Variants in GARS1 observed in about 807,000 individuals in gnomAD.
GARS1 encodes glycine--tRNA ligase.
In GARS1, 46 loss-of-function variants were observed where a neutral mutation model predicts 86.4. The observed-to-expected ratio is 0.53, with a 90% CI of 0.42 to 0.68. The LOEUF (loss-of-function observed/expected upper bound fraction) is 0.68. Ranked by LOEUF, GARS1 falls within the 30% of genes least tolerant of loss-of-function variation. The probability of loss-of-function intolerance (pLI) is 0.00; values close to 1 mark genes in which losing one functional copy is unlikely to be tolerated. For missense variants in GARS1, 797 were observed against 915.6 expected (o/e 0.87, Z 1.67); for synonymous variants, 342 against 329.8 (o/e 1.04, Z -0.40).
intron 7 of GARS1, among the ~76,000 whole-genome samples, chr7:30,610,497 C>G (rs1791577161): frequency 6.6e-6 from 1 of 152,108 alleles, no homozygotes; most frequent in Non-Finnish European, 1.5e-5. Flanking sequence ...TCGTGTTTCC[C>G]AGAGTAGGGA....
chr7:30,617,059 A>G (rs913861945), intron 9 of GARS1, 55 bp from the exon 10 acceptor site: 2 of 1,568,254 alleles, frequency 1.3e-6, no homozygotes, highest in Non-Finnish European at 1.8e-6. Context: ...GGCTTTGAAG[A>G]GTATTAATGT....
chr7:30,624,079 C>CT (rs998804839), intron 12 of GARS1, among the ~76,000 whole-genome samples: 26 of 152,214 alleles, frequency 1.7e-4, no homozygotes, highest in African/African-American at 5.8e-4. Flanking sequence ...AATTCGTAAA[C>CT]TTTCAAAAAA....
At chr7:30,615,642 C>A (rs1305625213) in intron 8 of GARS1, among the ~76,000 whole-genome samples, 1 of 151,942 alleles carries the variant, frequency 6.6e-6, no homozygotes, top group Non-Finnish European at 1.5e-5. Context: ...TTAAAAATAA[C>A]CTTCACATGT....
At chr7:30,600,393 GC>G (rs1791348553) in intron 3 of GARS1, among the ~76,000 whole-genome samples, 1 of 152,160 alleles carries the variant, frequency 6.6e-6, no homozygotes, top group Non-Finnish European at 1.5e-5. Flanking sequence ...ACTATACTAT[GC>G]CCCTTCACAC....
In GARS1 at chr7:30,616,055, A is replaced by G. The variant is rs1212253526; in HGVS notation, c.1191A>G (p.Glu397=). The G allele has an allele frequency of 1.9e-6, 3 of 1,614,172 alleles. No homozygotes were observed. The highest frequency in any genetic ancestry group is 2.5e-6 in the Non-Finnish European group (3 of 1,180,028). Residue 397 remains glutamate, a synonymous_variant, in exon 9 of 17, where the codon GAA becomes GAG. Transcript: ENST00000389266. ...ARKMRLGDAV[E]QGVINNTVLG... ...AAATGCGCCTGGGAGATGCTGTTGA[A>G]CAGGTAGGATTCTGGAGGTAACTTA...
chr7:30,600,138 C>A, intron 3 of GARS1, 89 bp downstream of exon 3: 1 of 938,450 alleles, frequency 1.1e-6, no homozygotes, highest in South Asian at 1.3e-5. Flanking sequence ...CTGTTGGTAT[C>A]CACTTGTATC....
intron 12 of GARS1, among the ~76,000 whole-genome samples, chr7:30,625,573 A>G (rs1584048091): frequency 6.6e-6 from 1 of 152,202 alleles, no homozygotes; most frequent in Non-Finnish European, 1.5e-5. Flanking sequence ...ATACCTCCTA[A>G]GCTGAAATAC....
chr7:30,629,200 T>A (rs1783189511), intron 14 of GARS1, among the ~76,000 whole-genome samples: 1 of 152,116 alleles, frequency 6.6e-6, no homozygotes, highest in South Asian at 2.1e-4. Flanking sequence ...TTAAAAAAAA[T>A]AAGAATCCTG....
intron 14 of GARS1, chr7:30,631,105 A>C: frequency 3.6e-6 from 1 of 278,932 alleles, no homozygotes; most frequent in Non-Finnish European, 7.0e-6. Context: ...ACCGTCTTTT[A>C]TATACAGTAG....
At chr7:30,612,941 T>C (rs1009306098) in intron 8 of GARS1, among the ~76,000 whole-genome samples, 8 of 152,256 alleles carry the variant, frequency 5.3e-5, no homozygotes, top group African/African-American at 9.6e-5. Context: ...CTATACGTTA[T>C]TCCTGGTATC....
intron 15 of GARS1, among the ~76,000 whole-genome samples, 170 bp downstream of exon 15, chr7:30,631,711 G>C (rs898635018): frequency 6.6e-6 from 1 of 152,198 alleles, no homozygotes; most frequent in Non-Finnish European, 1.5e-5. Context: ...GAGAGGATAT[G>C]CTTGCTCAGA....
At chr7:30,618,646 GA>G (rs1431945410) in intron 10 of GARS1, among the ~76,000 whole-genome samples, 1 of 152,020 alleles carries the variant, frequency 6.6e-6, no homozygotes, top group Non-Finnish European at 1.5e-5. Flanking sequence ...ACAAACAGAC[GA>G]AAAAAGATCA....
chr7:30,603,688 G>A, intron 6 of GARS1, 116 bp downstream of exon 6: 1 of 783,864 alleles, frequency 1.3e-6, no homozygotes, highest in African/African-American at 1.7e-5. Context: ...TAATGAAGCA[G>A]AGGTTAATTC....
At chr7:30,617,057 A>G (rs1407598470) in intron 9 of GARS1, 57 bp from the exon 10 acceptor site, 2 of 1,566,308 alleles carry the variant, frequency 1.3e-6, no homozygotes, top group Non-Finnish European at 1.8e-6. Context: ...TTGGCTTTGA[A>G]GAGTATTAAT....
At chr7:30,607,138 A>G (rs564756368) in intron 6 of GARS1, among the ~76,000 whole-genome samples, 4 of 152,318 alleles carry the variant, frequency 2.6e-5, no homozygotes, top group African/African-American at 9.6e-5. Context: ...TGATAACTGT[A>G]TTTAAAGTCA....
At chr7:30,611,423 C>T (rs1440631890) in intron 7 of GARS1, among the ~76,000 whole-genome samples, 1 of 152,148 alleles carries the variant, frequency 6.6e-6, no homozygotes, top group African/African-American at 2.4e-5. Context: ...CATCTGCCTC[C>T]ATGTACATGA....
At position 30,598,877 on chromosome 7, in the gene GARS1, AAG is replaced by A. The variant is rs751337889; in HGVS notation, c.307_308del (p.Arg103GlyfsTer14). ...AGCAGTGGCTGAGCTCAAAGCCCGC[AAG>A]AGGGTTCTGGAAGCAAAGGTGAGTC... ...DKAVAELKAR[K>X]RVLEAKELAL... On this transcript the variant is annotated frameshift_variant, in exon 2 of 17. Coordinates refer to ENST00000389266, the MANE Select transcript of GARS1 (RefSeq NM_002047.4). LOFTEE classifies it high-confidence loss of function. 5.0e-6 allele frequency: 8 copies of A among 1,614,124 alleles called. No individual in the cohort carries two copies.
rs754364883 is a variant in GARS1 at position 30,609,745 on chromosome 7, T to C, written c.881+15T>C. On this transcript the variant is annotated intron_variant, in intron 7 of 16. Coordinates refer to ENST00000389266, the MANE Select transcript of GARS1 (RefSeq NM_002047.4). ...AACATGCCTGGGTATGTATCACTTA[T>C]TGTTTACCTGTTTATGTAATGAAGT... is the stretch of plus-strand genomic sequence containing the variant. 8.1e-6 allele frequency: 13 copies of C among 1,612,602 alleles called. No homozygotes were observed. Among genetic ancestry groups the C allele is most frequent in the Non-Finnish European group, 1.1e-5 (13 of 1,178,812 alleles).
chr7:30,604,260 T>C (rs962950571), intron 6 of GARS1, among the ~76,000 whole-genome samples: 7 of 152,220 alleles, frequency 4.6e-5, no homozygotes, highest in Non-Finnish European at 8.8e-5. Context: ...TGTATATATG[T>C]TGCTGGTGTC....
Sources: gnomAD v4.1 joint callset for allele counts (sites outside exome capture counted in the v4.1 genomes callset) on GRCh38, gnomAD v4.1.1 for gene constraint, MANE v1.5 for transcripts, NCBI Gene and HGNC (gene_info 2026-07-23, HGNC 2026-07-21) for gene names.